The following MARCHF1 variants were observed in gnomAD, a reference collection of about 807,000 sequenced individuals.
MARCHF1 encodes the protein membrane associated ring-CH-type finger 1.
A neutral mutation model predicts 54.2 loss-of-function variants in MARCHF1; 40 were observed. The ratio of observed to expected loss-of-function variants is 0.74; its 90% CI spans 0.57 to 0.96. The LOEUF is 0.96. Ranked by LOEUF, MARCHF1 falls within the 40% of genes least tolerant of loss-of-function variation. The pLI is 0.00. For missense variants in MARCHF1, 586 were observed against 656.5 expected, an observed-to-expected ratio of 0.89 and a Z score of 1.17; for synonymous variants, 236 against 236.3, an observed-to-expected ratio of 1.00 and a Z score of 0.01.
intron 3 of MARCHF1, among the ~76,000 whole-genome samples, chr4:163,922,177 G>T (rs981172061): frequency 6.7e-6 from 1 of 149,750 alleles, no homozygotes; most frequent in Non-Finnish European, 1.5e-5. Flanking sequence ...GGAACACATG[G>T]ATGCGGGGGG....
At chr4:163,640,097 G>C (rs1742499321) in intron 5 of MARCHF1, among the ~76,000 whole-genome samples, 1 of 152,084 alleles carries the variant, frequency 6.6e-6, no homozygotes, top group Non-Finnish European at 1.5e-5. Context: ...GAAGCAAGAA[G>C]ACCTGGATTT....
intron 2 of MARCHF1, among the ~76,000 whole-genome samples, chr4:164,069,742 A>G (rs539511165): frequency 1.3e-5 from 2 of 152,192 alleles, no homozygotes; most frequent in Non-Finnish European, 2.9e-5. Flanking sequence ...GAACCCACCA[A>G]TTCTGGACAC....
At chr4:164,024,412 A>G (rs984125254) in intron 2 of MARCHF1, among the ~76,000 whole-genome samples, 3 of 152,208 alleles carry the variant, frequency 2.0e-5, no homozygotes, top group African/African-American at 4.8e-5. Flanking sequence ...CTTACAAGAC[A>G]GAAGATATTG....
chr4:164,307,995 A>G (rs185463067), intron 1 of MARCHF1, among the ~76,000 whole-genome samples: 157 of 152,290 alleles, frequency 1.0e-3, no homozygotes, highest in African/African-American at 3.4e-3. Flanking sequence ...CCAAATCTTA[A>G]AGTTGTCTTA....
intron 5 of MARCHF1, among the ~76,000 whole-genome samples, chr4:163,676,353 G>T (rs1207341176): frequency 2.1e-5 from 3 of 142,474 alleles, no homozygotes; most frequent in Non-Finnish European, 4.5e-5. Context: ...GCAAAACTCT[G>T]TCTCAAAAAA....
intron 3 of MARCHF1, among the ~76,000 whole-genome samples, chr4:163,857,055 T>TAAAC (rs1364703997): frequency 7.1e-6 from 1 of 140,210 alleles, no homozygotes; most frequent in African/African-American, 2.7e-5. Flanking sequence ...AATAAATAAA[T>TAAAC]AGTCTCAAAA....
At chr4:163,536,497 C>G (rs1188687869) in intron 9 of MARCHF1, among the ~76,000 whole-genome samples, 1 of 152,138 alleles carries the variant, frequency 6.6e-6, no homozygotes, top group East Asian at 1.9e-4. Context: ...GCAGTATGAG[C>G]TCACTTTCTA....
At chr4:163,752,757 G>A (rs1267178121) in intron 4 of MARCHF1, among the ~76,000 whole-genome samples, 2 of 152,114 alleles carry the variant, frequency 1.3e-5, no homozygotes, top group African/African-American at 4.8e-5. Context: ...AATGTTTGAA[G>A]CTATTCAACT....
At chr4:164,289,694 C>A (rs1348555883) in intron 1 of MARCHF1, among the ~76,000 whole-genome samples, 1 of 151,826 alleles carries the variant, frequency 6.6e-6, no homozygotes. Context: ...TCTAATCAAA[C>A]CCTCACAGGC....
chr4:163,607,282 A>G, intron 7 of MARCHF1, among the ~76,000 whole-genome samples: 1 of 152,116 alleles, frequency 6.6e-6, no homozygotes, highest in Non-Finnish European at 1.5e-5. Flanking sequence ...GTGGAGATGG[A>G]AAGTGTAGAG....
chr4:164,265,233 T>C (rs1733579124), intron 1 of MARCHF1, among the ~76,000 whole-genome samples: 1 of 152,166 alleles, frequency 6.6e-6, no homozygotes, highest in Non-Finnish European at 1.5e-5. Context: ...AGTCTGTATA[T>C]TAAGTAATGT....
At chr4:163,691,943 C>A (rs1423597538) in intron 5 of MARCHF1, among the ~76,000 whole-genome samples, 1 of 152,194 alleles carries the variant, frequency 6.6e-6, no homozygotes, top group African/African-American at 2.4e-5. Flanking sequence ...CCTACCCCAA[C>A]AGGCCAATAG....
chr4:164,223,113 T>C (rs1005177118), intron 1 of MARCHF1, among the ~76,000 whole-genome samples: 17 of 152,012 alleles, frequency 1.1e-4, no homozygotes, highest in African/African-American at 4.1e-4. Context: ...ATGATTCAAT[T>C]ATCTTATCCT....
At chr4:163,629,353 T>C (rs1056786362) in intron 5 of MARCHF1, among the ~76,000 whole-genome samples, 2 of 152,208 alleles carry the variant, frequency 1.3e-5, no homozygotes, top group Admixed American at 6.5e-5. Flanking sequence ...TGGCTAGCTA[T>C]ATGCCGAAAG....
intron 3 of MARCHF1, among the ~76,000 whole-genome samples, chr4:163,971,143 T>C (rs1420079033): frequency 1.4e-5 from 1 of 72,568 alleles, no homozygotes; most frequent in African/African-American, 4.9e-5. Flanking sequence ...TACCCTATTA[T>C]TTGCAAGTAG....
chr4:163,630,501 A>C (rs986285837), intron 5 of MARCHF1, among the ~76,000 whole-genome samples: 4 of 152,226 alleles, frequency 2.6e-5, no homozygotes, highest in African/African-American at 9.6e-5. Flanking sequence ...TCTTGATTGC[A>C]GCAGAGTTTT....
At chr4:164,381,198 T>C (rs1311115712) in intron 1 of MARCHF1, among the ~76,000 whole-genome samples, 1 of 152,176 alleles carries the variant, frequency 6.6e-6, no homozygotes, top group Non-Finnish European at 1.5e-5. Flanking sequence ...CTCCTTTTTC[T>C]CACCTTGCCC....
intron 3 of MARCHF1, among the ~76,000 whole-genome samples, chr4:163,946,395 C>G (rs1218141253): frequency 6.6e-6 from 1 of 152,102 alleles, no homozygotes; most frequent in African/African-American, 2.4e-5. Context: ...ATACTATCAT[C>G]TCTCTATAGT....
At chr4:163,549,544 A>C (rs1385807616) in intron 8 of MARCHF1, among the ~76,000 whole-genome samples, 2 of 152,192 alleles carry the variant, frequency 1.3e-5, no homozygotes, top group East Asian at 3.8e-4. Flanking sequence ...TATACCTTGA[A>C]GATGGGGGAT....
Sources: gnomAD v4.1 joint callset for allele counts (sites outside exome capture counted in the v4.1 genomes callset) on GRCh38, gnomAD v4.1.1 for gene constraint, MANE v1.5 for transcripts, NCBI Gene and HGNC (gene_info 2026-07-23, HGNC 2026-07-21) for gene names.